NSMAF: variants seen among roughly 807,000 people sequenced by gnomAD.
NSMAF encodes the protein protein FAN.
In NSMAF, 90 loss-of-function variants were observed where a neutral mutation model predicts 134.9. The ratio of observed to expected loss-of-function variants is 0.67; its 90% CI spans 0.56 to 0.79. NSMAF has a LOEUF of 0.79. Ranked by LOEUF, NSMAF falls within the 30% of genes least tolerant of loss-of-function variation. The pLI, the probability that NSMAF is intolerant of heterozygous loss-of-function variation, is 0.00. For synonymous variants in NSMAF, 358 were observed against 389.6 expected (o/e 0.92, Z 0.96); for missense variants, 1,010 against 1,119.0 (o/e 0.90, Z 1.39).
intron 1 of NSMAF, among the ~76,000 whole-genome samples, chr8:58,651,858 A>G (rs769997483): frequency 9.2e-5 from 14 of 152,230 alleles, no homozygotes; most frequent in Non-Finnish European, 1.8e-4. Context: ...GAGAATGTGC[A>G]TTTCTAACAA....
intron 12 of NSMAF, among the ~76,000 whole-genome samples, chr8:58,605,392 C>T (rs560136202): frequency 1.3e-5 from 2 of 152,232 alleles, no homozygotes; most frequent in South Asian, 4.1e-4. Flanking sequence ...TTCTCATAAA[C>T]TAATATAAGA....
intron 9 of NSMAF, among the ~76,000 whole-genome samples, chr8:58,612,766 C>T (rs1000264512): frequency 3.3e-5 from 5 of 152,108 alleles, no homozygotes; most frequent in Non-Finnish European, 7.3e-5. Context: ...GAAAAAGCCC[C>T]ACAGCTGATC....
intron 23 of NSMAF, among the ~76,000 whole-genome samples, chr8:58,592,284 C>T (rs903548884): frequency 2.0e-4 from 30 of 152,010 alleles, no homozygotes; most frequent in African/African-American, 6.8e-4. Flanking sequence ...ACTGCAGCAG[C>T]CTGGGTTCAT....
intron 11 of NSMAF, 62 bp downstream of exon 11, chr8:58,607,706 TA>T: frequency 7.7e-7 from 1 of 1,304,836 alleles, no homozygotes; most frequent in Non-Finnish European, 1.1e-6. Flanking sequence ...TTACCGTCAA[TA>T]AACTGCTGGC....
At chr8:58,629,747 T>C (rs939761163) in intron 6 of NSMAF, among the ~76,000 whole-genome samples, 2 of 152,252 alleles carry the variant, frequency 1.3e-5, no homozygotes, top group Non-Finnish European at 1.5e-5. Context: ...ACCTTTTCTA[T>C]GGAAGTGTCT....
At chr8:58,617,292 T>C (rs1806680304) in intron 9 of NSMAF, among the ~76,000 whole-genome samples, 1 of 152,016 alleles carries the variant, frequency 6.6e-6, no homozygotes, top group South Asian at 2.1e-4. Context: ...ATGGCAACAA[T>C]AGCCAAAATA....
At chr8:58,639,360 G>A (rs1337194368) in intron 2 of NSMAF, among the ~76,000 whole-genome samples, 2 of 151,748 alleles carry the variant, frequency 1.3e-5, no homozygotes, top group African/African-American at 4.8e-5. Context: ...AAGATCCTCA[G>A]CAGCCTTAAT....
rs188520009 is a variant in NSMAF, at chr8:58,655,852, G to A, written c.59+3721C>T. ...AACCCGGGAGGCGGAACTTGCAGTGGGCTGAGATCGTGCCACTGCACTCCA... is the reference window on the plus strand; with the variant it reads ...AACCCGGGAGGCGGAACTTGCAGTGAGCTGAGATCGTGCCACTGCACTCCA... On this transcript the variant is annotated intron_variant, in intron 1 of 30. Transcript: ENST00000038176. Among the ~76,000 whole-genome samples, 1,318 of 151,516 alleles carry A rather than the reference G, an allele frequency of 8.7e-3. 23 individuals are homozygous for A. The highest frequency in any genetic ancestry group is 0.03 in the African/African-American group (1,240 of 41,318).
intron 17 of NSMAF, 31 bp from the exon 18 acceptor site, chr8:58,599,901 C>T: frequency 6.2e-7 from 1 of 1,613,178 alleles, no homozygotes; most frequent in South Asian, 1.1e-5. Context: ...TAAAAAAGAA[C>T]AACAAACATG....
rs1806178935 is a variant in NSMAF, at chr8:58,598,041, C to T, written c.1586-139G>A. The T allele has an allele frequency of 2.1e-5, 13 of 631,048 alleles. No homozygotes were observed. The South Asian group carries it at 2.7e-4, about 13-fold the overall frequency. 39.1% of individuals were successfully genotyped at this position (631,048 alleles called of 1,614,324 possible). ...TCACTTTGCAAAACAGACTAATATC[C>T]AACTGCAGTAAATACCAACTTGAAT... On this transcript the variant is annotated intron_variant, in intron 19 of 30. Coordinates refer to ENST00000038176, the MANE Select transcript of NSMAF (RefSeq NM_003580.4).
chr8:58,618,936 G>A (rs776370247), intron 9 of NSMAF, among the ~76,000 whole-genome samples: 25 of 151,894 alleles, frequency 1.6e-4, no homozygotes, highest in Non-Finnish European at 3.1e-4. Context: ...AAATTCTTTA[G>A]CCTAACATTT....
Position 58,587,668 on chromosome 8 carries a change from T to A in NSMAF, c.2245A>T (p.Thr749Ser). Residue 749 changes from threonine to serine, a missense_variant, in exon 27 of 31, where the codon ACC (threonine) becomes TCC (serine). Thr to Ser is a moderately conservative substitution (Grantham distance 58). Transcript: ENST00000038176. The part of the protein sequence containing the change: ...WSGVPAEMPG[T>S]KRHHFDLLAE... ...AGCAAGTCAAAGTGGTGTCTTTTGG[T>A]GCCTGGCATCTCTGCAGGAACACCA... is the stretch of plus-strand genomic sequence containing the variant. 1 of 1,614,200 alleles carries A rather than the reference T, an allele frequency of 6.2e-7. No individual in the cohort carries two copies. Among genetic ancestry groups the A allele is most frequent in the Non-Finnish European group, 8.5e-7 (1 of 1,180,028 alleles).
At position 58,659,720 on chromosome 8, in the gene NSMAF, T is replaced by G; in HGVS notation, c.-89A>C. 6 of 1,106,798 alleles carry G rather than the reference T, an allele frequency of 5.4e-6. No homozygotes were observed. Among genetic ancestry groups the G allele is most frequent in the Non-Finnish European group, 7.0e-6 (6 of 858,596 alleles). The allele number at this position is 1,106,798 out of a possible 1,614,324, so 68.6% of individuals were successfully genotyped here. A position where few individuals can be genotyped will look rare whatever the true frequency, so the allele number is the denominator to read the frequency against. On this transcript the variant is annotated 5_prime_UTR_variant, in exon 1 of 31. Coordinates refer to ENST00000038176, the MANE Select transcript of NSMAF (RefSeq NM_003580.4). ...TCCGGAGGAGCCGGGGAGGGCGGGATTGGTGGCCGGCTGGGGAGCGCGCGG... is the reference window on the plus strand; with the variant it reads ...TCCGGAGGAGCCGGGGAGGGCGGGAGTGGTGGCCGGCTGGGGAGCGCGCGG...
At chr8:58,649,675 C>T (rs1008039668) in intron 1 of NSMAF, among the ~76,000 whole-genome samples, 1 of 152,088 alleles carries the variant, frequency 6.6e-6, no homozygotes, top group African/African-American at 2.4e-5. Flanking sequence ...ACATGAGATC[C>T]GGTTGTGGTT....
At chr8:58,629,670 A>T (rs1056245331) in intron 6 of NSMAF, among the ~76,000 whole-genome samples, 4 of 152,222 alleles carry the variant, frequency 2.6e-5, no homozygotes, top group African/African-American at 9.6e-5. Flanking sequence ...GTCTCTAAGG[A>T]CTGGCTTCAT....
intron 6 of NSMAF, among the ~76,000 whole-genome samples, chr8:58,624,417 G>T (rs1269645862): frequency 5.3e-5 from 8 of 151,394 alleles, no homozygotes; most frequent in Non-Finnish European, 1.0e-4. Flanking sequence ...AAACTTCCCT[G>T]TTTATACTGC....
chr8:58,631,541 A>C lies in NSMAF; in HGVS notation c.339T>G (p.Tyr113Ter). The change falls in exon 6 of 31, where the codon TAT becomes TAG. Residue 113 changes from tyrosine (Y) to a stop codon, truncating the protein, a stop_gained. Transcript: ENST00000038176. LOFTEE classifies it high-confidence loss of function. ...GGISLIFSQV[Y>*]FIKEHNVVAP... ...CAACAACATTATGTTCTTTAATGAA[A>C]TATACCTGAGCAAGAAAAAGCAATA... 1.1e-5 allele frequency: 16 copies of C among 1,492,750 alleles called. No individual in the cohort carries two copies. The highest frequency in any genetic ancestry group is 1.5e-5 in the Non-Finnish European group (16 of 1,099,678). The allele number at this position is 1,492,750 out of a possible 1,614,324, so 92.5% of individuals were successfully genotyped here. A position where few individuals can be genotyped will look rare whatever the true frequency, so the allele number is the denominator to read the frequency against.
At chr8:58,621,435 T>G (rs774209599) in intron 9 of NSMAF, among the ~76,000 whole-genome samples, 12 of 152,208 alleles carry the variant, frequency 7.9e-5, no homozygotes, top group Non-Finnish European at 1.5e-4. Context: ...GCATGTATCT[T>G]TATGGTAGAA....
intron 9 of NSMAF, among the ~76,000 whole-genome samples, chr8:58,618,641 T>C (rs1054616627): frequency 6.6e-6 from 1 of 151,934 alleles, no homozygotes; most frequent in African/African-American, 2.4e-5. Flanking sequence ...ACAATGTGAG[T>C]AGGAGCAGGC....
Sources: allele counts gnomAD v4.1 joint callset (sites outside exome capture counted in the v4.1 genomes callset), GRCh38; gene constraint gnomAD v4.1.1; transcripts MANE v1.5; gene names NCBI Gene and HGNC (gene_info 2026-07-23, HGNC 2026-07-21).